EPB41L3: variants seen among roughly 807,000 people sequenced by gnomAD.
EPB41L3 encodes the protein erythrocyte membrane protein band 4.1 like 3.
In EPB41L3, 57 loss-of-function variants were observed where a neutral mutation model predicts 127.1. The observed-to-expected ratio is 0.45, with a 90% CI of 0.36 to 0.56. The LOEUF (loss-of-function observed/expected upper bound fraction) is 0.56, where lower values mean the gene tolerates loss of function less well. Among genes scored for constraint, EPB41L3 ranks in the 20% least tolerant of loss-of-function variants. EPB41L3 has a pLI of 0.00. For synonymous variants in EPB41L3, 572 were observed against 549.5 expected, an observed-to-expected ratio of 1.04 and a Z score of -0.57; for missense variants, 1,273 against 1,372.2, an observed-to-expected ratio of 0.93 and a Z score of 1.14.
At chr18:5,487,472 TTTATTTGTA>T (rs1305737746) in intron 2 of EPB41L3, among the ~76,000 whole-genome samples, 2 of 151,214 alleles carry the variant, frequency 1.3e-5, no homozygotes, top group Non-Finnish European at 2.9e-5. Context: ...GATAGTAAGT[TTTATTTGTA>T]TATTTTACCT....
At chr18:5,400,468 G>C (rs2074319897) in intron 16 of EPB41L3, 1 of 455,322 alleles carries the variant, frequency 2.2e-6, no homozygotes, top group Admixed American at 2.4e-5. Context: ...GTTGTTGCTA[G>C]ATTAAATGAA....
chr18:5,579,009 G>GC (rs747647781), intron 3 of EPB41L3, among the ~76,000 whole-genome samples: 23 of 152,102 alleles, frequency 1.5e-4, no homozygotes, highest in Non-Finnish European at 1.9e-4. Context: ...ACACCCACAT[G>GC]CTTATCAAGA....
chr18:5,413,840 A>G (rs1055501362), intron 13 of EPB41L3, among the ~76,000 whole-genome samples: 9 of 152,240 alleles, frequency 5.9e-5, no homozygotes, highest in Admixed American at 5.9e-4. Flanking sequence ...TGCAATAACA[A>G]GGACAGTTAT....
At chr18:5,478,489 A>T in intron 2 of EPB41L3, 51 bp from the exon 3 acceptor site, 1 of 1,573,816 alleles carries the variant, frequency 6.4e-7, no homozygotes, top group Non-Finnish European at 8.7e-7. Context: ...GGAAATAAAT[A>T]TTGCATTGCT....
In EPB41L3 at chr18:5,625,548, G is replaced by C. The variant is rs138222111; in HGVS notation, c.-468+3374C>G. 5.3e-3 allele frequency among the ~76,000 whole-genome samples: 808 copies of C among 152,284 alleles called. 5 individuals are homozygous for C. Among genetic ancestry groups the C allele is most frequent in the Middle Eastern group, 0.01 (3 of 294 alleles). On this transcript the variant is annotated intron_variant, in intron 1 of 21. Coordinates refer to the EPB41L3 transcript ENST00000545076. Reference sequence around the variant, plus strand: ...AAACATATTCAGTTTGAGATGACTGGGGAATAACTGGGTAAAGTATCCCCT... The same window carrying C: ...AAACATATTCAGTTTGAGATGACTGCGGAATAACTGGGTAAAGTATCCCCT...
Position 5,428,332 on chromosome 18 carries a change from A to C in EPB41L3, c.1046T>G (p.Ile349Ser), listed in dbSNP as rs1239593020. 1.9e-6 allele frequency: 3 copies of C among 1,614,162 alleles called. No individual in the cohort carries two copies. Among genetic ancestry groups the C allele is most frequent in the South Asian group, 1.1e-5 (1 of 91,080 alleles). The stretch of plus-strand genomic sequence containing the variant: ...ACTTACCTCTCCCGGCCGGATCTTA[A>C]TGTAAAAGTTGTTCCGTTTGTATGA... ...KISYKRNNFY[I>S]KIRPGEFEQF... Residue 349 changes from isoleucine to serine, a missense_variant, in exon 9 of 23, where the codon ATT (isoleucine) becomes AGT (serine). Physicochemically the swap from Ile to Ser is moderately radical, Grantham distance 142. This residue lies in a region of EPB41L3 where 326 missense variants were observed against 440.2 expected (regional missense o/e 0.74). Transcript: ENST00000341928.
intron 1 of EPB41L3, among the ~76,000 whole-genome samples, chr18:5,619,657 C>G (rs989264802): frequency 1.3e-5 from 2 of 152,182 alleles, no homozygotes; most frequent in African/African-American, 4.8e-5. Flanking sequence ...TTAACAAACA[C>G]CCCCTTTCCT....
intron 1 of EPB41L3, among the ~76,000 whole-genome samples, chr18:5,616,744 T>A (rs2144136988): frequency 6.6e-6 from 1 of 152,322 alleles, no homozygotes; most frequent in South Asian, 2.1e-4. Context: ...AAAATGCTAT[T>A]ATATCATGTA....
chr18:5,419,975 G>A (rs2077269495), intron 11 of EPB41L3, 98 bp from the exon 12 acceptor site: 1 of 1,597,010 alleles, frequency 6.3e-7, no homozygotes, highest in South Asian at 1.1e-5. Context: ...AAAATAGTTA[G>A]GTCAGAAGAC....
intron 1 of EPB41L3, among the ~76,000 whole-genome samples, chr18:5,628,577 C>T (rs2094950231): frequency 6.6e-6 from 1 of 152,238 alleles, no homozygotes; most frequent in Admixed American, 6.5e-5. Context: ...TTGTGGACGC[C>T]GCCCTTCGCT....
intron 3 of EPB41L3, among the ~76,000 whole-genome samples, chr18:5,447,703 T>G (rs966405852): frequency 6.6e-6 from 1 of 152,112 alleles, no homozygotes; most frequent in Non-Finnish European, 1.5e-5. Context: ...AATTCGCCAC[T>G]TTCTGGCTGC....
At position 5,419,836 on chromosome 18, in the gene EPB41L3, G is replaced by C; in HGVS notation, c.1381C>G (p.Gln461Glu). Residue 461 changes from glutamine to glutamate, a missense_variant, in exon 12 of 23, where the codon CAG (glutamine) becomes GAG (glutamate). Gln to Glu is a conservative substitution (Grantham distance 29). This residue lies in a region of EPB41L3 where 326 missense variants were observed against 440.2 expected (regional missense o/e 0.74). Coordinates refer to ENST00000341928, the MANE Select transcript of EPB41L3 (RefSeq NM_012307.5). ...GTCACAGTGGTGATCAAGTTGGTCT[G>C]AGAGATGCCTTTTGTTGTGGCGTAC... ...GQYATTKGIS[Q>E]TNLITTVTPE... 6.2e-7 allele frequency: 1 copy of C among 1,614,218 alleles called. No homozygotes were observed. Among genetic ancestry groups the C allele is most frequent in the Non-Finnish European group, 8.5e-7 (1 of 1,180,038 alleles).
At chr18:5,424,873 A>G (rs993162742) in intron 9 of EPB41L3, among the ~76,000 whole-genome samples, 1 of 152,086 alleles carries the variant, frequency 6.6e-6, no homozygotes, top group African/African-American at 2.4e-5. Context: ...TGCTGATTTT[A>G]TTTGTGTGTT....
At position 5,439,851 on chromosome 18, in the gene EPB41L3, A is replaced by T. The variant is rs184887953; in HGVS notation, c.530-1741T>A. Among the ~76,000 whole-genome samples, 11 of 152,350 alleles carry T rather than the reference A, an allele frequency of 7.2e-5. No individual in the cohort carries two copies. In the East Asian group the frequency reaches 2.1e-3, roughly 29 times the overall value. ...CTTTCCCCCAAGCAAGTGGAATTAA[A>T]ACTAATGGATTAGTTATGGGAAATG... On this transcript the variant is annotated intron_variant, in intron 5 of 22. Coordinates refer to ENST00000341928, the MANE Select transcript of EPB41L3 (RefSeq NM_012307.5).
At chr18:5,490,980 C>T (rs756960985) in intron 1 of EPB41L3, among the ~76,000 whole-genome samples, 7 of 152,158 alleles carry the variant, frequency 4.6e-5, no homozygotes, top group Admixed American at 3.9e-4. Context: ...TAGTCTGTGC[C>T]GGAAATATGC....
intron 1 of EPB41L3, among the ~76,000 whole-genome samples, chr18:5,540,956 G>C (rs28572454): frequency 0.25 from 37,484 of 151,474 alleles, 5,779 homozygotes; most frequent in African/African-American, 0.43. Context: ...GTGGTGGCGG[G>C]CGCCTGTAGT....
intron 1 of EPB41L3, among the ~76,000 whole-genome samples, chr18:5,497,199 G>A (rs1419580410): frequency 6.6e-6 from 1 of 152,206 alleles, no homozygotes; most frequent in African/African-American, 2.4e-5. Context: ...TAGATATGAG[G>A]AGGGGTCAGA....
At chr18:5,576,128 G>A (rs1334593492) in intron 3 of EPB41L3, among the ~76,000 whole-genome samples, 2 of 152,038 alleles carry the variant, frequency 1.3e-5, no homozygotes, top group Non-Finnish European at 2.9e-5. Context: ...TTTCCATTAT[G>A]GAAAGTAATT....
intron 6 of EPB41L3, among the ~76,000 whole-genome samples, 156 bp from the exon 7 acceptor site, chr18:5,434,277 T>C (rs372175218): frequency 1.8e-4 from 27 of 152,300 alleles, no homozygotes; most frequent in South Asian, 6.2e-4. Context: ...ATTTACTTCA[T>C]ACATACTTGT....
Sources: allele counts gnomAD v4.1 joint callset (sites outside exome capture counted in the v4.1 genomes callset), GRCh38; gene constraint gnomAD v4.1.1; regional missense constraint gnomAD v4.1.1; transcripts MANE v1.5; gene names NCBI Gene and HGNC (gene_info 2026-07-23, HGNC 2026-07-21).